BOD1: variants seen among roughly 807,000 people sequenced by gnomAD.
The protein encoded by BOD1 is biorientation of chromosomes in cell division protein 1.
In BOD1, 11 loss-of-function variants were observed where a neutral mutation model predicts 15.7. That is an observed-to-expected ratio of 0.70 (90% CI 0.44 to 1.16). BOD1 has a LOEUF of 1.16. BOD1 is among the 50% of genes most tolerant of loss of function. BOD1 has a pLI of 0.00. For synonymous variants in BOD1, 105 were observed against 103.5 expected (o/e 1.01, Z -0.09); for missense variants, 182 against 244.5 (o/e 0.74, Z 1.70).
In BOD1 at chr5:173,609,353, T is replaced by C; in HGVS notation, c.444A>G (p.Gln148=). The C allele has an allele frequency of 6.2e-7, 1 of 1,614,254 alleles. No individual in the cohort carries two copies. Among genetic ancestry groups the C allele is most frequent in the Non-Finnish European group, 8.5e-7 (1 of 1,180,044 alleles). The part of the protein sequence containing the change: ...DPKLNHIFRP[Q]IERAIHEFLA... ...GGAACTCATGAATTGCTCGTTCTAT[T>C]TGTGGCCTGAAGATGTGGTTAAGTT... is the stretch of plus-strand genomic sequence containing the variant. Residue 148 remains glutamine, a synonymous_variant, in exon 3 of 4, where the codon CAA becomes CAG. Transcript: ENST00000311086.
chr5:173,616,573 G>C lies in BOD1; in HGVS notation c.-137C>G. ...CGGCAGCGGCGGAGGTGGCGATGGC[G>C]GCAGGGGCGGTGGTGGGGGCGGCGG... On this transcript the variant is annotated 5_prime_UTR_variant, in exon 1 of 4. Transcript: ENST00000311086. 1 of 1,375,614 alleles carries C rather than the reference G, an allele frequency of 7.3e-7. No homozygotes were observed. The highest frequency in any genetic ancestry group is 9.3e-7 in the Non-Finnish European group (1 of 1,071,794). 85.2% of individuals were successfully genotyped at this position (1,375,614 alleles called of 1,614,324 possible).
rs1222070688 is a variant in BOD1, at chr5:173,616,560, A to AGGTGGCGATGGCGGCAGGGGC, written c.-145_-125dup. 11 of 1,383,402 alleles carry AGGTGGCGATGGCGGCAGGGGC rather than the reference A, an allele frequency of 8.0e-6. No homozygotes were observed. The highest frequency in any genetic ancestry group is 1.0e-5 in the Non-Finnish European group (11 of 1,074,894). The allele number at this position is 1,383,402 out of a possible 1,614,324, so 85.7% of individuals were successfully genotyped here. On this transcript the variant is annotated 5_prime_UTR_variant, in exon 1 of 4. Coordinates refer to ENST00000311086, the MANE Select transcript of BOD1 (RefSeq NM_138369.3). Reference sequence around the variant, plus strand: ...GAGGGCCCCAAGGCGGCAGCGGCGGAGGTGGCGATGGCGGCAGGGGCGGTG... The same window carrying AGGTGGCGATGGCGGCAGGGGC: ...GAGGGCCCCAAGGCGGCAGCGGCGGAGGTGGCGATGGCGGCAGGGGCGGTGGCGATGGCGGCAGGGGCGGTG...
chr5:173,609,417 G>A lies in BOD1; in HGVS notation c.380C>T (p.Ala127Val). 1 of 1,614,206 alleles carries A rather than the reference G, an allele frequency of 6.2e-7. No individual in the cohort carries two copies. Among genetic ancestry groups the A allele is most frequent in the Non-Finnish European group, 8.5e-7 (1 of 1,180,022 alleles). Residue 127 changes from alanine (A) to valine (V), a missense_variant, in exon 3 of 4, where the codon GCT becomes GTT. By Grantham distance (64) the Ala-to-Val change is moderately conservative (BLOSUM62 0). This residue lies in a region of BOD1 where 70 missense variants were observed against 130.3 expected (regional missense o/e 0.54). Coordinates refer to ENST00000311086, the MANE Select transcript of BOD1 (RefSeq NM_138369.3). ...CTGAGAAATAATCCTGTCTACTCCA[G>A]CTTCCAACATCCCTGACCTTGTGGA... ...QSVVQSGMLE[A>V]GVDRIISQVV...
chr5:173,616,404 G>A lies in BOD1; in HGVS notation c.33C>T (p.Gly11=). The change falls in exon 1 of 4, where the codon GGC becomes GGT. Residue 11 remains glycine (G), a synonymous_variant. Coordinates refer to ENST00000311086, the MANE Select transcript of BOD1 (RefSeq NM_138369.3). The part of the protein sequence containing the change: MADGGGGGGT[G]AVGGGGTSQA... The stretch of plus-strand genomic sequence containing the variant: ...GGCTAGTTCCGCCGCCGCCCACCGC[G>A]CCAGTTCCCCCGCCGCCGCCGCCGT... The A allele has an allele frequency of 2.0e-6, 3 of 1,531,906 alleles. No homozygotes were observed. The highest frequency in any genetic ancestry group is 2.6e-6 in the Non-Finnish European group (3 of 1,149,494). The allele number at this position is 1,531,906 out of a possible 1,614,324, so 94.9% of individuals were successfully genotyped here.
chr5:173,608,338 A>C lies in BOD1; in HGVS notation c.*2-46T>G, dbSNP rs574033775. 3.0e-6 allele frequency: 4 copies of C among 1,346,488 alleles called. No homozygotes were observed. In the South Asian group the frequency reaches 4.8e-5, roughly 16 times the overall value. 83.4% of individuals were successfully genotyped at this position (1,346,488 alleles called of 1,614,324 possible). On this transcript the variant is annotated intron_variant, in intron 3 of 3. Coordinates refer to ENST00000311086, the MANE Select transcript of BOD1 (RefSeq NM_138369.3). ...TATCAAAATGTTATTTATTGATAAC[A>C]GACTATATTCACTTTTATGTTCCTA... is the stretch of plus-strand genomic sequence containing the variant.
At chr5:173,610,232 A>G (rs2113328180) in intron 2 of BOD1, among the ~76,000 whole-genome samples, 1 of 152,362 alleles carries the variant, frequency 6.6e-6, no homozygotes, top group East Asian at 1.9e-4. Context: ...GAAATATTCC[A>G]ATACCATCAC....
chr5:173,610,061 G>A (rs1299712485), intron 2 of BOD1, among the ~76,000 whole-genome samples: 1 of 152,080 alleles, frequency 6.6e-6, no homozygotes. Flanking sequence ...TTACATCCCC[G>A]ATCCTTTCTG....
rs751399216 is a variant in BOD1, at chr5:173,609,248, G to A, written c.549C>T (p.Asp183=). The change falls in exon 3 of 4, where the codon GAC becomes GAT. Residue 183 remains aspartate (D), a synonymous_variant. Coordinates refer to ENST00000311086, the MANE Select transcript of BOD1 (RefSeq NM_138369.3). ...EGQDPPAPSQ[D]TS Reference sequence around the variant, plus strand: ...GATAGGATACTGGACCTTAGGAAGTGTCCTGAGATGGAGCTGGAGGGTCCT... The same window carrying A: ...GATAGGATACTGGACCTTAGGAAGTATCCTGAGATGGAGCTGGAGGGTCCT... The A allele has an allele frequency of 2.5e-5, 40 of 1,613,660 alleles. 1 individual carries two copies. In the South Asian group the frequency reaches 4.4e-4, roughly 18 times the overall value.
intron 2 of BOD1, among the ~76,000 whole-genome samples, chr5:173,611,541 AAAAAC>A (rs1340693143): frequency 1.3e-5 from 2 of 152,104 alleles, no homozygotes; most frequent in African/African-American, 4.8e-5. Flanking sequence ...GGAAAAAAAA[AAAAAC>A]AACAACTTCA....
intron 1 of BOD1, among the ~76,000 whole-genome samples, chr5:173,614,005 C>G (rs1241195384): frequency 6.6e-6 from 1 of 152,190 alleles, no homozygotes. Context: ...CTGACAGCCT[C>G]TCTCTAGAGG....
In BOD1 at chr5:173,607,942, G is replaced by T; in HGVS notation, c.*352C>A. 3.4e-6 allele frequency: 1 copy of T among 295,080 alleles called. No homozygotes were observed. The highest frequency in any genetic ancestry group is 6.3e-6 in the Non-Finnish European group (1 of 157,522). 18.3% of individuals were successfully genotyped at this position (295,080 alleles called of 1,614,324 possible). A position where few individuals can be genotyped will look rare whatever the true frequency, so the allele number is the denominator to read the frequency against. Reference sequence around the variant, plus strand: ...TGGCTATGTTCTCACTGTAGCTTCCGTTTATCCCACAGCACAAACCCTAAA... The same window carrying T: ...TGGCTATGTTCTCACTGTAGCTTCCTTTTATCCCACAGCACAAACCCTAAA... On this transcript the variant is annotated 3_prime_UTR_variant, in exon 4 of 4. Coordinates refer to ENST00000311086, the MANE Select transcript of BOD1 (RefSeq NM_138369.3).
At chr5:173,608,413 C>T (rs780430007) in intron 3 of BOD1, 121 bp from the exon 4 acceptor site, 45 of 776,098 alleles carry the variant, frequency 5.8e-5, no homozygotes, top group Non-Finnish European at 8.6e-5. Flanking sequence ...TTTTACACTC[C>T]ATATTGGACT....
intron 1 of BOD1, 40 bp downstream of exon 1, chr5:173,616,160 G>C: frequency 5.8e-6 from 9 of 1,555,672 alleles, no homozygotes; most frequent in Non-Finnish European, 7.8e-6. Flanking sequence ...GCGGCCTCAC[G>C]TGCAGCCCCG....
chr5:173,613,667 A>C (rs763534625), intron 1 of BOD1, among the ~76,000 whole-genome samples: 25 of 152,226 alleles, frequency 1.6e-4, no homozygotes, highest in Non-Finnish European at 2.6e-4. Flanking sequence ...TCAGTTTGCT[A>C]TGCAGCATTA....
chr5:173,616,650 C>T lies in BOD1; in HGVS notation c.-214G>A, dbSNP rs1484661274. The stretch of plus-strand genomic sequence containing the variant: ...GAGGTTGTGGTGGACGCGGCAGAAA[C>T]GGCCTGCTCGATTCCAGGCGCACCC... On this transcript the variant is annotated 5_prime_UTR_variant, in exon 1 of 4. Coordinates refer to ENST00000311086, the MANE Select transcript of BOD1 (RefSeq NM_138369.3). 1 of 1,302,628 alleles carries T rather than the reference C, an allele frequency of 7.7e-7. No individual in the cohort carries two copies. The highest frequency in any genetic ancestry group is 9.7e-7 in the Non-Finnish European group (1 of 1,029,600). 80.7% of individuals were successfully genotyped at this position (1,302,628 alleles called of 1,614,324 possible).
At chr5:173,612,885 A>G (rs1387609763) in intron 2 of BOD1, among the ~76,000 whole-genome samples, 3 of 152,236 alleles carry the variant, frequency 2.0e-5, no homozygotes, top group African/African-American at 7.2e-5. Flanking sequence ...CACGATTTGG[A>G]ATGCCTTTTG....
chr5:173,613,342 A>T, intron 1 of BOD1, 87 bp from the exon 2 acceptor site: 1 of 1,475,308 alleles, frequency 6.8e-7, no homozygotes, highest in Non-Finnish European at 9.4e-7. Flanking sequence ...CTTTTCACAG[A>T]AACGTTATTA....
Position 173,616,478 on chromosome 5 carries a change from T to G in BOD1, c.-42A>C. On this transcript the variant is annotated 5_prime_UTR_variant, in exon 1 of 4. Coordinates refer to ENST00000311086, the MANE Select transcript of BOD1 (RefSeq NM_138369.3). Reference sequence around the variant, plus strand: ...CACAAGGGAGAACGACTATAGCTTCTTCTCCAGGACAGAAGGCCTAGAACG... The same window carrying G: ...CACAAGGGAGAACGACTATAGCTTCGTCTCCAGGACAGAAGGCCTAGAACG... The G allele has an allele frequency of 6.4e-7, 1 of 1,556,236 alleles. No individual in the cohort carries two copies. Among genetic ancestry groups the G allele is most frequent in the Non-Finnish European group, 8.6e-7 (1 of 1,162,532 alleles).
chr5:173,612,565 T>C (rs769864158), intron 2 of BOD1, among the ~76,000 whole-genome samples: 4 of 152,252 alleles, frequency 2.6e-5, no homozygotes, highest in African/African-American at 9.6e-5. Context: ...CTCCCATTTC[T>C]GTACCCTCCT....
Sources: gnomAD v4.1 joint callset for allele counts (sites outside exome capture counted in the v4.1 genomes callset) on GRCh38, gnomAD v4.1.1 for gene constraint, gnomAD v4.1.1 regional missense constraint, MANE v1.5 for transcripts, NCBI Gene and HGNC (gene_info 2026-07-23, HGNC 2026-07-21) for gene names.